The following ANO1 variants were observed in gnomAD, a reference collection of about 807,000 sequenced individuals.
ANO1 encodes anoctamin 1.
ANO1 carries 59 observed loss-of-function variants against 124.0 expected under a neutral mutation model. The observed-to-expected ratio is 0.48, with a 90% CI of 0.39 to 0.59. ANO1 has a LOEUF of 0.59. Ranked by LOEUF, ANO1 falls within the 20% of genes least tolerant of loss-of-function variation. ANO1 has a pLI of 0.00. For missense variants in ANO1, 1,059 were observed against 1,328.0 expected, an observed-to-expected ratio of 0.80 and a Z score of 3.15; for synonymous variants, 529 against 532.0, an observed-to-expected ratio of 0.99 and a Z score of 0.08.
intron 2 of ANO1, among the ~76,000 whole-genome samples, chr11:70,088,619 G>A (rs2044494402): frequency 6.6e-6 from 1 of 152,164 alleles, no homozygotes; most frequent in Admixed American, 6.5e-5. Context: ...GCCCTGACCT[G>A]CTCCTCTGGC....
chr11:70,069,789 C>T (rs1857824975), intron 1 of ANO1, among the ~76,000 whole-genome samples: 1 of 152,022 alleles, frequency 6.6e-6, no homozygotes, highest in Non-Finnish European at 1.5e-5. Context: ...CTGTGATGAG[C>T]TTAAAAATCT....
In ANO1 at chr11:70,002,816, G is replaced by C. The variant is rs533853194; in HGVS notation, c.58+16650G>C. 3.9e-5 allele frequency among the ~76,000 whole-genome samples: 6 copies of C among 152,266 alleles called. No individual in the cohort carries two copies. In the East Asian group the frequency reaches 7.7e-4, roughly 20 times the overall value. ...ACCATTGAGGGTAAAGCAAACTCTG[G>C]TTCCTGTCTGATTCTATACCCCTAA... is the stretch of plus-strand genomic sequence containing the variant. On this transcript the variant is annotated intron_variant, in intron 1 of 27. Transcript: ENST00000531349.
intron 1 of ANO1, among the ~76,000 whole-genome samples, chr11:70,062,217 C>T (rs1393991669): frequency 6.6e-6 from 1 of 151,836 alleles, no homozygotes; most frequent in Admixed American, 6.6e-5. Context: ...GCTGGAATTA[C>T]AGACGCGTAC....
chr11:70,132,611 G>C (rs1186992830), intron 11 of ANO1, among the ~76,000 whole-genome samples: 1 of 152,228 alleles, frequency 6.6e-6, no homozygotes, highest in Non-Finnish European at 1.5e-5. Context: ...GGGCTCCACT[G>C]CCATGCAAAC....
At chr11:70,088,689 C>T (rs569526129) in intron 2 of ANO1, among the ~76,000 whole-genome samples, 5 of 152,130 alleles carry the variant, frequency 3.3e-5, no homozygotes, top group Admixed American at 6.5e-5. Flanking sequence ...GTCAGAGCAT[C>T]GCCTGCTTCT....
rs772927396 is a variant in ANO1, at chr11:70,078,742, G to A, written c.108+28G>A. 2.8e-6 allele frequency: 4 copies of A among 1,413,846 alleles called. No homozygotes were observed. In the East Asian group the frequency reaches 1.0e-4, roughly 36 times the overall value. The allele number at this position is 1,413,846 out of a possible 1,614,324, so 87.6% of individuals were successfully genotyped here. ...GAGTGCGGGCGGCCGCGACCCGGGC[G>A]GGAGGGCCGCGCACCTGCGCCTTGG... On this transcript the variant is annotated intron_variant, in intron 1 of 25. Coordinates refer to ENST00000355303, the MANE Select transcript of ANO1 (RefSeq NM_018043.7).
At chr11:70,185,424 C>T (rs990083256) in intron 24 of ANO1, among the ~76,000 whole-genome samples, 166 bp from the exon 25 acceptor site, 20 of 152,262 alleles carry the variant, frequency 1.3e-4, no homozygotes, top group African/African-American at 4.6e-4. Flanking sequence ...AGAGAGACTC[C>T]GTGGGTGCGG....
At chr11:69,970,956 A>G in the ANO1 span, among the ~76,000 whole-genome samples, 1 of 152,224 alleles carries the variant, frequency 6.6e-6, no homozygotes. Context: ...CCCTTCTTGG[A>G]AGCTGCCCCC....
chr11:70,095,249 A>G (rs2044803000), intron 2 of ANO1, among the ~76,000 whole-genome samples: 1 of 31,616 alleles, frequency 3.2e-5, no homozygotes, highest in African/African-American at 1.4e-4. Context: ...AAGAAAAAGA[A>G]AGGAAGGAAG....
At chr11:70,134,452 C>T (rs900603140) in intron 11 of ANO1, among the ~76,000 whole-genome samples, 1 of 152,206 alleles carries the variant, frequency 6.6e-6, no homozygotes, top group Non-Finnish European at 1.5e-5. Context: ...CTGCTCTAAA[C>T]CTCAGCTTCC....
chr11:70,143,171 G>T (rs1214948464), intron 11 of ANO1, among the ~76,000 whole-genome samples: 1 of 152,158 alleles, frequency 6.6e-6, no homozygotes, highest in Admixed American at 6.5e-5. Context: ...CTTGGAAGAC[G>T]CGACCCCTGC....
upstream of ANO1, among the ~76,000 whole-genome samples, chr11:69,981,691 C>A (rs1286463341): frequency 6.6e-6 from 1 of 152,236 alleles, no homozygotes; most frequent in Admixed American, 6.5e-5. Flanking sequence ...TAGCCCTGCG[C>A]AGCCACTGAG....
intron 16 of ANO1, among the ~76,000 whole-genome samples, chr11:70,158,350 G>A (rs570072359): frequency 1.3e-5 from 2 of 152,332 alleles, no homozygotes; most frequent in South Asian, 2.1e-4. Flanking sequence ...CAGCTTGAAG[G>A]CAGCGCCTCC....
upstream of ANO1, among the ~76,000 whole-genome samples, chr11:70,073,534 G>C (rs781814586): frequency 6.6e-6 from 1 of 152,134 alleles, no homozygotes; most frequent in East Asian, 1.9e-4. Context: ...CCAAGGATGG[G>C]AAGGAGAGTA....
At chr11:69,987,339 CA>C (rs1856063207) in intron 1 of ANO1, among the ~76,000 whole-genome samples, 1 of 152,164 alleles carries the variant, frequency 6.6e-6, no homozygotes, top group Non-Finnish European at 1.5e-5. Context: ...TGTGTATGAC[CA>C]GCCCACCAAG....
intron 1 of ANO1, among the ~76,000 whole-genome samples, chr11:70,000,961 C>G (rs1432657698): frequency 6.6e-6 from 1 of 151,788 alleles, no homozygotes; most frequent in African/African-American, 2.4e-5. Context: ...AACTGGAACC[C>G]TTGCCTACTG....
At chr11:70,186,973 G>A (rs528154702) in intron 25 of ANO1, among the ~76,000 whole-genome samples, 8 of 152,338 alleles carry the variant, frequency 5.3e-5, no homozygotes, top group South Asian at 4.1e-4. Context: ...AGGGAGCCCC[G>A]GAGCAGGCAT....
Position 70,149,769 on chromosome 11 carries a change from C to G in ANO1, c.1318C>G (p.Leu440Val). The change falls in exon 12 of 26, where the codon CTC (leucine) becomes GTC (valine). Residue 440 changes from leucine (L) to valine (V), a missense_variant. Leu to Val is a conservative substitution (Grantham distance 32). Around this residue, in one of 2 missense-constraint regions of ANO1, gnomAD observed 809 missense variants for 1,094.9 expected, o/e 0.74. Coordinates refer to ENST00000355303, the MANE Select transcript of ANO1 (RefSeq NM_018043.7). ...GATGCGACTCAACTACCGCTGGGACCTCACGGGCTTTGAAGAGGAAGAGGT... is the reference window on the plus strand; with the variant it reads ...GATGCGACTCAACTACCGCTGGGACGTCACGGGCTTTGAAGAGGAAGAGGT... ...KQMRLNYRWDLTGFEEEEEAV... is the reference protein window; with the variant it reads ...KQMRLNYRWDVTGFEEEEEAV... The G allele has an allele frequency of 6.2e-7, 1 of 1,613,872 alleles. No individual in the cohort carries two copies. Among genetic ancestry groups the G allele is most frequent in the South Asian group, 1.1e-5 (1 of 91,024 alleles).
intron 1 of ANO1, chr11:70,064,764 A>G (rs1388106224): frequency 2.6e-5 from 4 of 152,202 alleles, no homozygotes; most frequent in African/African-American, 9.7e-5. Flanking sequence ...AAAGTCATTT[A>G]TACTTTAGTA....
Sources: gnomAD v4.1 joint callset for allele counts (sites outside exome capture counted in the v4.1 genomes callset) on GRCh38, gnomAD v4.1.1 for gene constraint, gnomAD v4.1.1 regional missense constraint, MANE v1.5 for transcripts, NCBI Gene and HGNC (gene_info 2026-07-23, HGNC 2026-07-21) for gene names.